Variants in CDH2 observed in about 807,000 individuals in gnomAD.
CDH2 encodes cadherin-2.
A neutral mutation model predicts 92.0 loss-of-function variants in CDH2; 17 were observed. That is an observed-to-expected ratio of 0.18 (90% CI 0.13 to 0.28). The LOEUF is 0.28. Among genes scored for constraint, CDH2 ranks in the 10% least tolerant of loss-of-function variants. The pLI, the probability that CDH2 is intolerant of heterozygous loss-of-function variation, is 1.00. For synonymous variants in CDH2, 419 were observed against 415.9 expected, an observed-to-expected ratio of 1.01 and a Z score of -0.09; for missense variants, 862 against 1,133.1, an observed-to-expected ratio of 0.76 and a Z score of 3.44.
intron 2 of CDH2, among the ~76,000 whole-genome samples, chr18:28,119,176 A>C (rs1346022147): frequency 6.6e-6 from 1 of 152,100 alleles, no homozygotes; most frequent in Non-Finnish European, 1.5e-5. Flanking sequence ...ATCCTTTGGG[A>C]AACTTTTCCT....
downstream of CDH2, among the ~76,000 whole-genome samples, chr18:27,946,186 G>A (rs564240407): frequency 6.7e-4 from 102 of 152,174 alleles, no homozygotes; most frequent in Non-Finnish European, 1.2e-3. Context: ...AAACCAAATG[G>A]AAGTAAAACA....
chr18:27,997,776 T>G (rs938276633), intron 7 of CDH2, among the ~76,000 whole-genome samples: 1 of 151,926 alleles, frequency 6.6e-6, no homozygotes, highest in Non-Finnish European at 1.5e-5. Flanking sequence ...CACCGAAACT[T>G]AGGAGGGAAG....
intron 2 of CDH2, among the ~76,000 whole-genome samples, chr18:28,111,999 C>G (rs2015420970): frequency 6.6e-6 from 1 of 152,168 alleles, no homozygotes. Flanking sequence ...ATTCTTCTAT[C>G]TACAAAACTA....
chr18:28,147,679 G>A lies in CDH2; in HGVS notation c.166C>T (p.Leu56Phe). 2.5e-6 allele frequency: 4 copies of A among 1,585,290 alleles called. No homozygotes were observed. Among genetic ancestry groups the A allele is most frequent in the Non-Finnish European group, 3.5e-6 (4 of 1,155,554 alleles). Residue 56 changes from leucine (L) to phenylalanine (F), a missense_variant, in exon 2 of 16, where the codon CTC becomes TTC. Leu to Phe is a conservative substitution (Grantham distance 22, BLOSUM62 0). Around this residue, in one of 5 missense-constraint regions of CDH2, gnomAD observed 159 missense variants for 177.2 expected, o/e 0.90. Coordinates refer to ENST00000269141, the MANE Select transcript of CDH2 (RefSeq NM_001792.5). ...SKDVHEGQPL[L>F]NVKFSNCNGK... Reference sequence around the variant, plus strand: ...ATATCTTTTGAGATAGTACCATTGAGAAGAGGCTGTCCTTCATGCACATCC... The same window carrying A: ...ATATCTTTTGAGATAGTACCATTGAAAAGAGGCTGTCCTTCATGCACATCC...
intron 14 of CDH2, among the ~76,000 whole-genome samples, chr18:27,982,596 T>C (rs1490221576): frequency 6.6e-6 from 1 of 152,206 alleles, no homozygotes; most frequent in African/African-American, 2.4e-5. Flanking sequence ...TTTTCTACCA[T>C]ACATATAATT....
intron 1 of CDH2, among the ~76,000 whole-genome samples, chr18:28,159,891 T>C (rs944448876): frequency 1.3e-5 from 2 of 151,954 alleles, no homozygotes; most frequent in African/African-American, 4.8e-5. Flanking sequence ...TCCTGACCTC[T>C]GGTGATCCAC....
intron 14 of CDH2, among the ~76,000 whole-genome samples, chr18:27,966,310 G>A (rs534371598): frequency 6.6e-6 from 1 of 152,288 alleles, no homozygotes; most frequent in South Asian, 2.1e-4. Context: ...CTTTTACCTG[G>A]TGACATATTC....
At chr18:28,160,946 TGA>T (rs2016297771) in intron 1 of CDH2, among the ~76,000 whole-genome samples, 1 of 152,224 alleles carries the variant, frequency 6.6e-6, no homozygotes, top group Non-Finnish European at 1.5e-5. Flanking sequence ...AAATGTCCAA[TGA>T]TCCTTGTCCT....
chr18:27,991,787 A>T (rs377661928), intron 9 of CDH2, among the ~76,000 whole-genome samples: 5 of 152,294 alleles, frequency 3.3e-5, no homozygotes, highest in East Asian at 1.9e-4. Flanking sequence ...CCGCATCTGC[A>T]TAATTATTGG....
At chr18:28,080,482 T>C (rs1175352712) in intron 2 of CDH2, among the ~76,000 whole-genome samples, 9 of 152,138 alleles carry the variant, frequency 5.9e-5, no homozygotes, top group Non-Finnish European at 1.0e-4. Context: ...CCAAATTTAA[T>C]AACTAGGTCT....
At chr18:27,949,239 A>G (rs542937962), downstream of CDH2, among the ~76,000 whole-genome samples, 8 of 152,158 alleles carry the variant, frequency 5.3e-5, no homozygotes, top group Admixed American at 5.2e-4. Context: ...ACTGGCTTTT[A>G]GAAAGCCTTG....
intron 6 of CDH2, among the ~76,000 whole-genome samples, chr18:27,935,360 G>A (rs1908992927): frequency 6.6e-6 from 1 of 152,108 alleles, no homozygotes; most frequent in Admixed American, 6.6e-5. Flanking sequence ...AGTGAAGTGG[G>A]AGGTGCTACA....
At chr18:28,147,922 T>C in intron 1 of CDH2, 138 bp from the exon 2 acceptor site, 1 of 599,570 alleles carries the variant, frequency 1.7e-6, no homozygotes, top group Non-Finnish European at 2.9e-6. Flanking sequence ...GTGCTTACAA[T>C]TAGAATGTAG....
chr18:27,990,979 C>G (rs932706135), intron 9 of CDH2, among the ~76,000 whole-genome samples: 1 of 152,108 alleles, frequency 6.6e-6, no homozygotes, highest in African/African-American at 2.4e-5. Flanking sequence ...AACTAAAACT[C>G]TGCTGTCTTC....
intron 7 of CDH2, among the ~76,000 whole-genome samples, chr18:27,999,410 T>C (rs370116813): frequency 2.6e-5 from 4 of 152,072 alleles, no homozygotes; most frequent in South Asian, 4.2e-4. Context: ...GGAAGGAAGA[T>C]TGAAGACAAC....
At chr18:28,000,423 T>A (rs1005952541) in intron 7 of CDH2, among the ~76,000 whole-genome samples, 6 of 152,184 alleles carry the variant, frequency 3.9e-5, no homozygotes, top group Non-Finnish European at 7.3e-5. Flanking sequence ...TGTGTCATGT[T>A]ACATAATTCT....
intron 6 of CDH2, among the ~76,000 whole-genome samples, chr18:27,936,158 C>T (rs571270161): frequency 6.6e-6 from 1 of 152,276 alleles, no homozygotes; most frequent in South Asian, 2.1e-4. Context: ...CTGTGATAAC[C>T]ATCAGTCAAG....
intron 2 of CDH2, among the ~76,000 whole-genome samples, chr18:28,115,595 G>A (rs188194125): frequency 1.8e-4 from 27 of 152,288 alleles, no homozygotes; most frequent in African/African-American, 6.3e-4. Context: ...AGGATAGACA[G>A]AAGATGGCTG....
intron 2 of CDH2, among the ~76,000 whole-genome samples, chr18:28,074,636 A>G (rs1421404804): frequency 6.7e-6 from 1 of 150,224 alleles, no homozygotes; most frequent in Admixed American, 6.6e-5. Flanking sequence ...CTAGTTTTAT[A>G]TTTTACATGT....
Sources: gnomAD v4.1 joint callset for allele counts (sites outside exome capture counted in the v4.1 genomes callset) on GRCh38, gnomAD v4.1.1 for gene constraint, gnomAD v4.1.1 regional missense constraint, MANE v1.5 for transcripts, NCBI Gene and HGNC (gene_info 2026-07-23, HGNC 2026-07-21) for gene names.